MEIS2: variants seen among roughly 807,000 people sequenced by gnomAD.
MEIS2 encodes homeobox protein Meis2.
Under a neutral mutation model 58.6 loss-of-function variants are expected in MEIS2, and 9 were observed. The observed-to-expected ratio is 0.15, with a 90% CI of 0.09 to 0.27. MEIS2 has a LOEUF of 0.27. Among genes scored for constraint, MEIS2 ranks in the 10% least tolerant of loss-of-function variants. MEIS2 has a pLI of 1.00. For missense variants in MEIS2, 427 were observed against 635.0 expected (o/e 0.67, Z 3.52); for synonymous variants, 221 against 228.4 (o/e 0.97, Z 0.29).
At chr15:37,093,879 G>T in intron 5 of MEIS2, 149 bp from the exon 6 acceptor site, 2 of 952,460 alleles carry the variant, frequency 2.1e-6, no homozygotes, top group Admixed American at 4.5e-5. Flanking sequence ...TAATTAAAGG[G>T]TGTAATAGTT....
At chr15:37,053,159 G>A (rs1429079032) in intron 7 of MEIS2, among the ~76,000 whole-genome samples, 1 of 152,196 alleles carries the variant, frequency 6.6e-6, no homozygotes, top group African/African-American at 2.4e-5. Context: ...ACCAGCCTAT[G>A]AGAGAAGTAA....
chr15:37,098,151 C>T lies in MEIS2; in HGVS notation c.61G>A (p.Ala21Thr), dbSNP rs764284757. The T allele has an allele frequency of 1.1e-5, 17 of 1,611,490 alleles. No individual in the cohort carries two copies. The highest frequency in any genetic ancestry group is 1.7e-4 in the Middle Eastern group (1 of 6,052). The part of the protein sequence containing the change: ...YGGMDGVGVP[A>T]SMYGDPHAPR... ...GCGTGAGGGTCTCCGTACATGGAAG[C>T]GGGAACCCCTACTCCGTCCATCCCG... is the stretch of plus-strand genomic sequence containing the variant. The change falls in exon 2 of 12, where the codon GCT becomes ACT. Residue 21 changes from alanine to threonine, a missense_variant. This residue lies in a region of MEIS2 where 103 missense variants were observed against 111.8 expected (regional missense o/e 0.92). Transcript: ENST00000561208.
chr15:37,015,730 C>A (rs2061329330), intron 8 of MEIS2, among the ~76,000 whole-genome samples: 1 of 152,096 alleles, frequency 6.6e-6, no homozygotes, highest in Non-Finnish European at 1.5e-5. Flanking sequence ...GGCTTGCTTT[C>A]TACCTTTTTT....
intron 7 of MEIS2, among the ~76,000 whole-genome samples, chr15:37,057,664 A>T (rs1888613744): frequency 6.6e-6 from 1 of 152,126 alleles, no homozygotes; most frequent in African/African-American, 2.4e-5. Context: ...AAATAAATAA[A>T]TAAATAAAGT....
chr15:36,906,715 C>T (rs995611584), intron 9 of MEIS2, among the ~76,000 whole-genome samples: 2 of 147,992 alleles, frequency 1.4e-5, no homozygotes, highest in Admixed American at 6.7e-5. Flanking sequence ...AACTTCAAAA[C>T]GTCTAATTTC....
chr15:37,081,019 C>T (rs1399600112), intron 7 of MEIS2, among the ~76,000 whole-genome samples: 1 of 151,988 alleles, frequency 6.6e-6, no homozygotes, highest in Non-Finnish European at 1.5e-5. Flanking sequence ...TTTTTAGGTT[C>T]CAAAGTAAAG....
intron 9 of MEIS2, among the ~76,000 whole-genome samples, chr15:36,940,090 C>T (rs2058321650): frequency 6.6e-6 from 1 of 152,144 alleles, no homozygotes; most frequent in Non-Finnish European, 1.5e-5. Context: ...GTACTGGTTG[C>T]TGAGATGGAA....
chr15:36,995,222 GC>G (rs1161439392), intron 8 of MEIS2, among the ~76,000 whole-genome samples: 9 of 152,138 alleles, frequency 5.9e-5, no homozygotes, highest in African/African-American at 1.7e-4. Flanking sequence ...AAATTATCTG[GC>G]GGTTTTATGT....
upstream of MEIS2, chr15:37,100,883 A>C (rs947444857): frequency 6.6e-6 from 1 of 151,474 alleles, no homozygotes. Context: ...AAAAAAAAAA[A>C]AAACTTACTT....
At chr15:36,962,884 A>G (rs981038878) in intron 8 of MEIS2, among the ~76,000 whole-genome samples, 2 of 152,254 alleles carry the variant, frequency 1.3e-5, no homozygotes, top group African/African-American at 4.8e-5. Flanking sequence ...ATCATTAAGC[A>G]AATCTAAGAT....
intron 9 of MEIS2, among the ~76,000 whole-genome samples, chr15:36,938,299 G>A (rs1274059665): frequency 6.7e-6 from 1 of 148,224 alleles, no homozygotes; most frequent in Non-Finnish European, 1.5e-5. Flanking sequence ...AGTGCTTCCT[G>A]TTATTCTGAC....
intron 3 of MEIS2, 160 bp downstream of exon 3, chr15:37,096,129 C>A: frequency 1.4e-6 from 1 of 714,888 alleles, no homozygotes; most frequent in Non-Finnish European, 2.2e-6. Flanking sequence ...ACTTCCAATT[C>A]GCCCCCAGGC....
intron 8 of MEIS2, among the ~76,000 whole-genome samples, chr15:36,958,545 A>T (rs1041719672): frequency 6.6e-6 from 1 of 152,196 alleles, no homozygotes; most frequent in Non-Finnish European, 1.5e-5. Context: ...ACCAACACTC[A>T]TTTTACCTCT....
intron 8 of MEIS2, among the ~76,000 whole-genome samples, chr15:37,010,240 A>G (rs1293881594): frequency 2.0e-5 from 3 of 151,206 alleles, no homozygotes; most frequent in Non-Finnish European, 4.4e-5. Context: ...GGCACCCACC[A>G]CCACACCTGG....
chr15:37,030,478 AG>A (rs2061872045), intron 8 of MEIS2, among the ~76,000 whole-genome samples: 1 of 151,926 alleles, frequency 6.6e-6, no homozygotes, highest in Admixed American at 6.6e-5. Context: ...CTGGGACTAT[AG>A]ATGTGTGCCC....
intron 8 of MEIS2, among the ~76,000 whole-genome samples, chr15:36,975,240 C>G (rs990419451): frequency 2.6e-5 from 4 of 152,164 alleles, no homozygotes; most frequent in African/African-American, 9.7e-5. Flanking sequence ...CAAAAATGCT[C>G]CTCAAATCAG....
At chr15:36,938,394 C>T (rs574656172) in intron 9 of MEIS2, among the ~76,000 whole-genome samples, 1 of 152,296 alleles carries the variant, frequency 6.6e-6, no homozygotes, top group African/African-American at 2.4e-5. Context: ...TCAGGCCCCA[C>T]TCAGATCTGC....
intron 8 of MEIS2, among the ~76,000 whole-genome samples, chr15:37,028,380 C>A (rs1249929008): frequency 3.3e-5 from 5 of 152,156 alleles, no homozygotes; most frequent in Admixed American, 3.3e-4. Context: ...CATGCAGAAG[C>A]CCTCATAATC....
chr15:36,920,216 C>G (rs1469916310), intron 9 of MEIS2, among the ~76,000 whole-genome samples: 1 of 152,098 alleles, frequency 6.6e-6, no homozygotes, highest in African/African-American at 2.4e-5. Context: ...ATGGCTCAAT[C>G]TTGGCTCACC....
Sources: allele counts gnomAD v4.1 joint callset (sites outside exome capture counted in the v4.1 genomes callset), GRCh38; gene constraint gnomAD v4.1.1; regional missense constraint gnomAD v4.1.1; transcripts MANE v1.5; gene names NCBI Gene and HGNC (gene_info 2026-07-23, HGNC 2026-07-21).